Variants in COL11A1 observed in about 807,000 individuals in gnomAD.
The protein encoded by COL11A1 is collagen type XI alpha 1 chain.
COL11A1 carries 74 observed loss-of-function variants against 265.2 expected under a neutral mutation model. The ratio of observed to expected loss-of-function variants is 0.28; its 90% CI spans 0.23 to 0.34. The LOEUF (loss-of-function observed/expected upper bound fraction) is 0.34, where lower values mean the gene tolerates loss of function less well. Ranked by LOEUF, COL11A1 falls within the 10% of genes least tolerant of loss-of-function variation. The pLI is 1.00. For synonymous variants in COL11A1, 816 were observed against 727.6 expected, an observed-to-expected ratio of 1.12 and a Z score of -1.96; for missense variants, 2,165 against 2,263.6, an observed-to-expected ratio of 0.96 and a Z score of 0.88.
At chr1:103,083,101 A>G in intron 1 of COL11A1, 129 bp from the exon 2 acceptor site, 1 of 874,562 alleles carries the variant, frequency 1.1e-6, no homozygotes, top group Non-Finnish European at 1.7e-6. Flanking sequence ...TGCTTCCCTA[A>G]CATTTAGGTG....
At chr1:103,100,847 T>C (rs1217304073) in intron 1 of COL11A1, 1 of 151,970 alleles carries the variant, frequency 6.6e-6, no homozygotes, top group African/African-American at 2.4e-5. Flanking sequence ...TTCACTTCTC[T>C]GTTTTTCAGT....
chr1:102,887,649 T>C (rs927087031), intron 62 of COL11A1, among the ~76,000 whole-genome samples: 2 of 152,202 alleles, frequency 1.3e-5, no homozygotes, highest in African/African-American at 4.8e-5. Flanking sequence ...GGTTGAATTG[T>C]ATCCCACAAA....
intron 1 of COL11A1, among the ~76,000 whole-genome samples, chr1:103,095,041 G>A (rs1360853986): frequency 6.6e-6 from 1 of 152,038 alleles, no homozygotes; most frequent in Non-Finnish European, 1.5e-5. Context: ...TTTCTACACA[G>A]CTGTCATTTC....
At chr1:103,063,679 T>C (rs1350725550) in intron 4 of COL11A1, among the ~76,000 whole-genome samples, 1 of 152,172 alleles carries the variant, frequency 6.6e-6, no homozygotes, top group Non-Finnish European at 1.5e-5. Context: ...ACACCAAAGA[T>C]ATATTCCATG....
intron 4 of COL11A1, among the ~76,000 whole-genome samples, chr1:103,041,962 G>A (rs1472291034): frequency 6.6e-6 from 1 of 151,878 alleles, no homozygotes; most frequent in Non-Finnish European, 1.5e-5. Context: ...GCTATATTTT[G>A]TTCCCAAAAC....
In COL11A1 at chr1:103,025,885, T is replaced by G. The variant is rs148225616; in HGVS notation, c.898-272A>C. On this transcript the variant is annotated intron_variant, in intron 6 of 66. Transcript: ENST00000370096. ...TTTTTCAGATTTGGGGGGTGTAAAC[T>G]TTTTGGATTTTTCCTTTGATTTAGT... 50 of 1,613,114 alleles carry G rather than the reference T, an allele frequency of 3.1e-5. No homozygotes were observed. The highest frequency in any genetic ancestry group is 4.2e-5 in the Non-Finnish European group (49 of 1,179,734).
intron 5 of COL11A1, among the ~76,000 whole-genome samples, chr1:103,030,700 G>C (rs1299557468): frequency 1.3e-5 from 2 of 151,982 alleles, no homozygotes; most frequent in Non-Finnish European, 2.9e-5. Context: ...CTTTAAGATA[G>C]TTCTAATGTC....
chr1:102,965,791 T>C (rs1661348002), intron 37 of COL11A1, among the ~76,000 whole-genome samples: 1 of 152,178 alleles, frequency 6.6e-6, no homozygotes, highest in Non-Finnish European at 1.5e-5. Context: ...AGAGTAAAAA[T>C]GTGTTCTTAG....
At chr1:103,012,288 C>A in intron 14 of COL11A1, 125 bp downstream of exon 14, 1 of 719,912 alleles carries the variant, frequency 1.4e-6, no homozygotes, top group Non-Finnish European at 2.5e-6. Context: ...ATGGAAACAA[C>A]AGCAAGCATG....
At position 102,987,748 on chromosome 1, in the gene COL11A1, A is replaced by C. The variant is rs369317948; in HGVS notation, c.2395-8T>G. 4 of 1,598,270 alleles carry C rather than the reference A, an allele frequency of 2.5e-6. No homozygotes were observed. Among genetic ancestry groups the C allele is most frequent in the Non-Finnish European group, 3.4e-6 (4 of 1,165,916 alleles). ...AATTTGACCAACTTCTCCCTGAGGC[A>C]CAGAATAACAACATTCTTATGAGTG... On this transcript the variant is annotated splice_region_variant and splice_polypyrimidine_tract_variant and intron_variant, in intron 29 of 66. Transcript: ENST00000370096.
At chr1:103,062,901 A>G (rs1360028356) in intron 4 of COL11A1, among the ~76,000 whole-genome samples, 1 of 152,066 alleles carries the variant, frequency 6.6e-6, no homozygotes, top group African/African-American at 2.4e-5. Context: ...AAGGTTGTGT[A>G]TACAAGGTAT....
intron 42 of COL11A1, among the ~76,000 whole-genome samples, chr1:102,943,452 T>TACACAC (rs199996712): frequency 3.3e-4 from 26 of 79,442 alleles, no homozygotes; most frequent in African/African-American, 9.1e-4. Flanking sequence ...CACACACACA[T>TACACAC]ACACACACAC....
intron 32 of COL11A1, 132 bp from the exon 33 acceptor site, chr1:102,979,236 C>A: frequency 1.6e-6 from 2 of 1,235,838 alleles, no homozygotes; most frequent in Non-Finnish European, 2.4e-6. Flanking sequence ...GACAGACTTG[C>A]TATGCTGCCC....
chr1:103,092,892 T>C (rs553588255), intron 1 of COL11A1, among the ~76,000 whole-genome samples: 2 of 152,102 alleles, frequency 1.3e-5, no homozygotes, highest in South Asian at 2.1e-4. Flanking sequence ...TTGCTTGATA[T>C]GTACTGTAGA....
In COL11A1 at chr1:103,002,450, T is replaced by A. The variant is rs573493137; in HGVS notation, c.2075A>T (p.Gln692Leu). 1 of 1,610,240 alleles carries A rather than the reference T, an allele frequency of 6.2e-7. No homozygotes were observed. Among genetic ancestry groups the A allele is most frequent in the East Asian group, 2.2e-5 (1 of 44,830 alleles). ...GPQGEPGPPGQQGNPGPQGLP... is the reference protein window; with the variant it reads ...GPQGEPGPPGLQGNPGPQGLP... ...TACCTGAGGTCCTGGATTCCCTTGTTGACCTGGAGGCCCAGGCTCCCCTTG... is the reference window on the plus strand; with the variant it reads ...TACCTGAGGTCCTGGATTCCCTTGTAGACCTGGAGGCCCAGGCTCCCCTTG... The change falls in exon 23 of 67, where the codon CAA (glutamine) becomes CTA (leucine). Residue 692 changes from glutamine (Q) to leucine (L), a missense_variant. Gln to Leu is a moderately radical substitution (Grantham distance 113). Transcript: ENST00000370096.
Position 102,879,889 on chromosome 1 carries a change from A to G in COL11A1, c.5068T>C (p.Ser1690Pro), listed in dbSNP as rs146837973. Residue 1690 changes from serine (S) to proline (P), a missense_variant, in exon 66 of 67, where the codon TCC becomes CCC. By Grantham distance (74) the Ser-to-Pro change is moderately conservative (BLOSUM62 -1). Coordinates refer to ENST00000370096, the MANE Select transcript of COL11A1 (RefSeq NM_001854.4). ...LLSYLDVEGN[S>P]INMVQMTFLK... is the part of the protein sequence containing the mutation. ...AATGTCATTTGCACCATATTGATGG[A>G]ATTTCCTTCAACATCTAAGTATGAA... is the stretch of plus-strand genomic sequence containing the variant. The G allele has an allele frequency of 5.6e-6, 9 of 1,613,386 alleles. No homozygotes were observed. In the African/African-American group the frequency reaches 1.1e-4, roughly 19 times the overall value.
intron 46 of COL11A1, among the ~76,000 whole-genome samples, chr1:102,932,342 T>C (rs1657570888): frequency 6.6e-6 from 1 of 152,184 alleles, no homozygotes; most frequent in South Asian, 2.1e-4. Flanking sequence ...TATTTCTCCT[T>C]CACTTATGAA....
chr1:102,909,136 T>G (rs1570696475), intron 54 of COL11A1, among the ~76,000 whole-genome samples: 1 of 152,162 alleles, frequency 6.6e-6, no homozygotes, highest in East Asian at 1.9e-4. Flanking sequence ...TGGGGATGGA[T>G]TTCTTATGAA....
At chr1:103,002,704 T>G (rs1475179458) in intron 22 of COL11A1, 43 bp downstream of exon 22, 10 of 1,553,822 alleles carry the variant, frequency 6.4e-6, no homozygotes, top group Admixed American at 1.7e-5. Context: ...TTCTTAGGGC[T>G]TATATTCAAA....
Sources: allele counts gnomAD v4.1 joint callset (sites outside exome capture counted in the v4.1 genomes callset), GRCh38; gene constraint gnomAD v4.1.1; transcripts MANE v1.5; gene names NCBI Gene and HGNC (gene_info 2026-07-23, HGNC 2026-07-21).